The following NRP1 variants were observed in gnomAD, a reference collection of about 807,000 sequenced individuals.
NRP1 encodes the protein neuropilin 1.
In NRP1, 35 loss-of-function variants were observed where a neutral mutation model predicts 106.7. The ratio of observed to expected loss-of-function variants is 0.33; its 90% CI spans 0.25 to 0.43. The LOEUF (loss-of-function observed/expected upper bound fraction) is 0.43. Among genes scored for constraint, NRP1 ranks in the 20% least tolerant of loss-of-function variants. The pLI, the probability that NRP1 is intolerant of heterozygous loss-of-function variation, is 1.00. For synonymous variants in NRP1, 437 were observed against 417.9 expected (o/e 1.05, Z -0.56); for missense variants, 1,024 against 1,170.4 (o/e 0.87, Z 1.83).
At position 33,213,538 on chromosome 10, in the gene NRP1, C is replaced by G. The variant is rs769737936; in HGVS notation, c.1462G>C (p.Asp488His). Residue 488 changes from aspartate (D) to histidine (H), a missense_variant, in exon 9 of 17, where the codon GAC becomes CAC. Transcript: ENST00000374867. ...HSYINEWLQI[D>H]LGEEKIVRGI... ...CTCACGATCTTCTCCTCCCCCAGGT[C>G]TATTTGGAGCCACTCATTGATGTAG... 6.2e-7 allele frequency: 1 copy of G among 1,614,094 alleles called. No homozygotes were observed.
rs527361837 is a variant in NRP1, at chr10:33,263,843, G to A, written c.461C>T (p.Pro154Leu). The A allele has an allele frequency of 1.9e-5, 30 of 1,612,720 alleles. No individual in the cohort carries two copies. The highest frequency in any genetic ancestry group is 2.4e-5 in the Non-Finnish European group (28 of 1,178,742). Residue 154 changes from proline (P) to leucine (L), a missense_variant, in exon 4 of 17, where the codon CCT (proline) becomes CTT (leucine). Physicochemically the swap from Pro to Leu is moderately conservative, Grantham distance 98. Around this residue, in one of 5 missense-constraint regions of NRP1, gnomAD observed 279 missense variants for 327.4 expected, o/e 0.85. Transcript: ENST00000374867. ...GPECSQNYTT[P>L]SGVIKSPGFP... ...TCCGGGGGACTTTATCACTCCACTA[G>A]GTGTTGTGTAGTTCTGGGAACATTC...
chr10:33,226,044 G>A, intron 7 of NRP1, 90 bp downstream of exon 7: 1 of 1,405,564 alleles, frequency 7.1e-7, no homozygotes, highest in Non-Finnish European at 9.9e-7. Flanking sequence ...AAATAAACCA[G>A]GCCAGACAGA....
intron 1 of NRP1, among the ~76,000 whole-genome samples, chr10:33,331,532 C>T (rs555224647): frequency 3.3e-5 from 5 of 152,248 alleles, no homozygotes; most frequent in Non-Finnish European, 7.4e-5. Flanking sequence ...GCTTGGAGAT[C>T]GGATCAAAGC....
intron 8 of NRP1, among the ~76,000 whole-genome samples, chr10:33,218,268 A>T (rs924029100): frequency 1.3e-5 from 2 of 152,040 alleles, no homozygotes; most frequent in Non-Finnish European, 2.9e-5. Flanking sequence ...GTTTGTTCCA[A>T]TCTTATTTTC....
intron 11 of NRP1, chr10:33,201,046 G>GA (rs1837263503): frequency 6.6e-6 from 1 of 152,072 alleles, no homozygotes; most frequent in South Asian, 2.1e-4. Context: ...TATGTAAAAA[G>GA]AAAAAATCAG....
At chr10:33,318,335 C>T (rs145846545) in intron 2 of NRP1, among the ~76,000 whole-genome samples, 7 of 152,288 alleles carry the variant, frequency 4.6e-5, no homozygotes, top group Admixed American at 2.6e-4. Flanking sequence ...GTCTCACAGA[C>T]AAGAATGAAT....
chr10:33,298,434 T>C (rs1456318166), intron 2 of NRP1, among the ~76,000 whole-genome samples: 2 of 152,196 alleles, frequency 1.3e-5, no homozygotes, highest in East Asian at 3.8e-4. Context: ...TGGAAGACGA[T>C]GGGCCCATTT....
chr10:33,217,215 AAGG>A (rs1003470748), intron 8 of NRP1, among the ~76,000 whole-genome samples: 22 of 152,320 alleles, frequency 1.4e-4, no homozygotes, highest in African/African-American at 4.8e-4. Flanking sequence ...TGAATACTGT[AAGG>A]AGAGCAGAAC....
At chr10:33,327,331 A>G (rs1340335121) in intron 2 of NRP1, among the ~76,000 whole-genome samples, 1 of 152,158 alleles carries the variant, frequency 6.6e-6, no homozygotes, top group Non-Finnish European at 1.5e-5. Context: ...CCTATCTACT[A>G]CTTGATCCTA....
rs535365923 is a variant in NRP1 at position 33,334,541 on chromosome 10, C to T, written c.-159G>A. 1.3e-5 allele frequency: 8 copies of T among 606,154 alleles called. No individual in the cohort carries two copies. The highest frequency in any genetic ancestry group is 7.8e-5 in the African/African-American group (4 of 51,416). The allele number at this position is 606,154 out of a possible 1,614,324, so 37.5% of individuals were successfully genotyped here. On this transcript the variant is annotated 5_prime_UTR_variant, in exon 1 of 17. Transcript: ENST00000374867. The stretch of plus-strand genomic sequence containing the variant: ...AGAAAAGAAAGCAGCGAGGCAATGC[C>T]TGGATCCGAGAGGAACGCTTCTCTT...
At chr10:33,328,655 A>C (rs1435365580) in intron 2 of NRP1, among the ~76,000 whole-genome samples, 5 of 152,148 alleles carry the variant, frequency 3.3e-5, no homozygotes, top group Non-Finnish European at 5.9e-5. Flanking sequence ...GCTCATAAGA[A>C]CCAACTGTGC....
rs1454993218 is a variant in NRP1 at position 33,180,279 on chromosome 10, T to C, written c.2569A>G (p.Ile857Val). The C allele has an allele frequency of 6.2e-7, 1 of 1,613,936 alleles. No homozygotes were observed. The highest frequency in any genetic ancestry group is 1.3e-5 in the African/African-American group (1 of 74,884). Reference protein sequence around the residue: ...PGNVLKTLDPILITIIAMSAL... With the variant: ...PGNVLKTLDPVLITIIAMSAL... ...CTCATGGCTATGATGGTGATGAGGATGGGGTCTAAGGTCTTCAACACATTG... is the reference window on the plus strand; with the variant it reads ...CTCATGGCTATGATGGTGATGAGGACGGGGTCTAAGGTCTTCAACACATTG... The change falls in exon 17 of 17, where the codon ATC becomes GTC. Residue 857 changes from isoleucine (I) to valine (V), a missense_variant. Ile to Val is a conservative substitution (Grantham distance 29, BLOSUM62 3). Transcript: ENST00000374867.
intron 13 of NRP1, 53 bp from the exon 14 acceptor site, chr10:33,186,541 T>C (rs772574030): frequency 1.3e-6 from 2 of 1,547,128 alleles, no homozygotes; most frequent in Non-Finnish European, 1.7e-6. Flanking sequence ...ACCACACTTT[T>C]ATCTCTCTTC....
At chr10:33,259,013 C>T (rs1205029112) in intron 4 of NRP1, among the ~76,000 whole-genome samples, 2 of 152,122 alleles carry the variant, frequency 1.3e-5, no homozygotes, top group Non-Finnish European at 2.9e-5. Context: ...GGGTCGTCCT[C>T]TGATCGCCAC....
At chr10:33,316,549 A>G (rs924549539) in intron 2 of NRP1, among the ~76,000 whole-genome samples, 1 of 152,226 alleles carries the variant, frequency 6.6e-6, no homozygotes, top group African/African-American at 2.4e-5. Flanking sequence ...AGTGGCTAAG[A>G]TCAAAAAGCT....
intron 12 of NRP1, among the ~76,000 whole-genome samples, chr10:33,194,111 C>T (rs978709196): frequency 2.0e-5 from 3 of 152,130 alleles, no homozygotes; most frequent in Non-Finnish European, 2.9e-5. Flanking sequence ...GCATGGGAAA[C>T]CCTCTCCAAA....
intron 15 of NRP1, among the ~76,000 whole-genome samples, chr10:33,183,975 T>C (rs2132583095): frequency 6.6e-6 from 1 of 152,222 alleles, no homozygotes; most frequent in Admixed American, 6.5e-5. Context: ...TTGTCTCAAC[T>C]ATGTGCTTTC....
chr10:33,192,425 T>A lies in NRP1; in HGVS notation c.1925-7A>T, dbSNP rs1297000162. The A allele has an allele frequency of 6.2e-7, 1 of 1,612,954 alleles. No individual in the cohort carries two copies. ...AAACCATATGTTGGAAACTCTTCAG[T>A]GGGTGGGAAGTAAAAATAAGAGACA... On this transcript the variant is annotated splice_region_variant and splice_polypyrimidine_tract_variant and intron_variant, in intron 12 of 16. Coordinates refer to ENST00000374867, the MANE Select transcript of NRP1 (RefSeq NM_003873.7).
intron 6 of NRP1, among the ~76,000 whole-genome samples, chr10:33,227,936 A>G (rs1397264259): frequency 6.6e-6 from 1 of 151,132 alleles, no homozygotes; most frequent in Non-Finnish European, 1.5e-5. Context: ...CTTCTTTCAT[A>G]ATGTGTTAGA....
Sources: allele counts gnomAD v4.1 joint callset (sites outside exome capture counted in the v4.1 genomes callset), GRCh38; gene constraint gnomAD v4.1.1; regional missense constraint gnomAD v4.1.1; transcripts MANE v1.5; gene names NCBI Gene and HGNC (gene_info 2026-07-23, HGNC 2026-07-21).